The following COMMD10 variants were observed in gnomAD, a reference collection of about 807,000 sequenced individuals.
COMMD10 encodes the protein COMM domain-containing protein 10.
A neutral mutation model predicts 28.9 loss-of-function variants in COMMD10; 33 were observed. The ratio of observed to expected loss-of-function variants is 1.14; its 90% CI spans 0.87 to 1.53. The LOEUF is 1.53. COMMD10 is among the 40% of genes most tolerant of loss of function. The pLI is 0.00. For missense variants in COMMD10, 310 were observed against 233.4 expected, an observed-to-expected ratio of 1.33 and a Z score of -2.14; for synonymous variants, 110 against 81.7, an observed-to-expected ratio of 1.35 and a Z score of -1.87.
At chr5:116,203,836 G>C (rs1048455887) in intron 5 of COMMD10, among the ~76,000 whole-genome samples, 4 of 151,062 alleles carry the variant, frequency 2.6e-5, no homozygotes, top group Non-Finnish European at 4.4e-5. Context: ...CATCAACTAA[G>C]GAGCACAATA....
intron 3 of COMMD10, 111 bp from the exon 4 acceptor site, chr5:116,092,434 T>C: frequency 1.5e-6 from 1 of 682,240 alleles, no homozygotes; most frequent in Non-Finnish European, 2.2e-6. Flanking sequence ...AATAGGACTA[T>C]GAAGTTTTCT....
chr5:116,143,542 C>T (rs1394923040), intron 5 of COMMD10, among the ~76,000 whole-genome samples: 2 of 151,686 alleles, frequency 1.3e-5, no homozygotes, highest in Admixed American at 6.6e-5. Flanking sequence ...GCTTCTGAAT[C>T]GTGTAGTCTC....
At chr5:116,277,066 A>G (rs967394467) in intron 5 of COMMD10, among the ~76,000 whole-genome samples, 3 of 151,898 alleles carry the variant, frequency 2.0e-5, no homozygotes, top group Non-Finnish European at 2.9e-5. Flanking sequence ...ACCAAAAAAT[A>G]TAAGTTAAAT....
intron 5 of COMMD10, among the ~76,000 whole-genome samples, chr5:116,225,349 T>G (rs1037856972): frequency 1.3e-4 from 13 of 99,664 alleles, no homozygotes; most frequent in African/African-American, 3.4e-4. Context: ...TTTGTTTTTT[T>G]GGGGATTTTT....
chr5:116,212,304 G>A (rs1181426959), intron 5 of COMMD10, among the ~76,000 whole-genome samples: 3 of 152,122 alleles, frequency 2.0e-5, no homozygotes, highest in African/African-American at 7.2e-5. Context: ...TATAAAAGTA[G>A]AAGTAGTAAT....
chr5:116,087,023 C>A (rs1482460441), intron 1 of COMMD10, among the ~76,000 whole-genome samples: 1 of 152,142 alleles, frequency 6.6e-6, no homozygotes, highest in Non-Finnish European at 1.5e-5. Flanking sequence ...ACAGTTGAAA[C>A]AGGGTTTTAA....
chr5:116,202,817 T>G (rs1215658039), intron 5 of COMMD10, among the ~76,000 whole-genome samples: 1 of 151,868 alleles, frequency 6.6e-6, no homozygotes, highest in African/African-American at 2.4e-5. Context: ...TTGCGAAAAT[T>G]TTCTCCCATT....
intron 5 of COMMD10, among the ~76,000 whole-genome samples, chr5:116,287,321 A>G (rs1307772626): frequency 2.0e-5 from 3 of 150,250 alleles, no homozygotes; most frequent in South Asian, 2.1e-4. Flanking sequence ...TTTTGTCATT[A>G]TATAATGTCT....
Position 116,184,738 on chromosome 5 carries a change from C to G in COMMD10, c.510+50560C>G, listed in dbSNP as rs565778069. Among the ~76,000 whole-genome samples the G allele has an allele frequency of 1.1e-4, 16 of 152,180 alleles. No homozygotes were observed. In the East Asian group the frequency reaches 3.1e-3, roughly 29 times the overall value. ...TCCATGATAATTCTCTAGGGTTGAA[C>G]TGTTTTTAATGGTATGTATGAGAAA... On this transcript the variant is annotated intron_variant, in intron 5 of 6. Transcript: ENST00000274458.
intron 5 of COMMD10, among the ~76,000 whole-genome samples, chr5:116,282,673 C>G (rs1014912837): frequency 1.3e-5 from 2 of 151,916 alleles, no homozygotes; most frequent in Admixed American, 6.6e-5. Context: ...TAAAGCATCT[C>G]TCCTTGGCTT....
At chr5:116,175,700 A>T (rs1442282259) in intron 5 of COMMD10, among the ~76,000 whole-genome samples, 2 of 152,190 alleles carry the variant, frequency 1.3e-5, no homozygotes, top group East Asian at 3.9e-4. Context: ...CATAAAAAGG[A>T]ATGAAATTCT....
chr5:116,173,843 G>GTTTT (rs1561648115), intron 5 of COMMD10, among the ~76,000 whole-genome samples: 1 of 114,168 alleles, frequency 8.8e-6, no homozygotes, highest in African/African-American at 4.9e-5. Flanking sequence ...GTTTTGTTTT[G>GTTTT]TTTTTGTTTT....
chr5:116,145,289 C>A (rs4920906), intron 5 of COMMD10, among the ~76,000 whole-genome samples: 127,939 of 151,770 alleles, frequency 0.84, 54,262 homozygotes, highest in African/African-American at 0.92. Context: ...GTGATCACGA[C>A]TTTGAGAGGA....
intron 5 of COMMD10, among the ~76,000 whole-genome samples, chr5:116,230,599 C>T (rs1327433004): frequency 1.3e-5 from 2 of 151,840 alleles, no homozygotes; most frequent in Admixed American, 1.3e-4. Flanking sequence ...ACATGGGGTG[C>T]CTCCTGTAGT....
intron 5 of COMMD10, among the ~76,000 whole-genome samples, chr5:116,196,263 G>A (rs1748517430): frequency 6.6e-6 from 1 of 152,074 alleles, no homozygotes; most frequent in Non-Finnish European, 1.5e-5. Flanking sequence ...ACCGACCATT[G>A]TGCGTTCTCA....
intron 5 of COMMD10, among the ~76,000 whole-genome samples, chr5:116,224,024 T>A (rs942699487): frequency 2.6e-5 from 4 of 152,178 alleles, no homozygotes; most frequent in African/African-American, 9.7e-5. Flanking sequence ...TTTGTCTCTT[T>A]TACGTTTTTT....
At chr5:116,205,873 T>G (rs966152834) in intron 5 of COMMD10, among the ~76,000 whole-genome samples, 1 of 152,170 alleles carries the variant, frequency 6.6e-6, no homozygotes, top group Non-Finnish European at 1.5e-5. Flanking sequence ...CTTTCAGATA[T>G]ATATTTGCTT....
intron 5 of COMMD10, among the ~76,000 whole-genome samples, chr5:116,218,451 T>C (rs965913083): frequency 6.6e-6 from 1 of 152,216 alleles, no homozygotes; most frequent in African/African-American, 2.4e-5. Context: ...TTGACTATTG[T>C]GTACATTTAA....
chr5:116,141,691 G>C (rs1418579800), intron 5 of COMMD10, among the ~76,000 whole-genome samples: 1 of 151,732 alleles, frequency 6.6e-6, no homozygotes, highest in Non-Finnish European at 1.5e-5. Flanking sequence ...GCGGGGGGCT[G>C]GGAAGAGGGG....
Sources: gnomAD v4.1 joint callset for allele counts (sites outside exome capture counted in the v4.1 genomes callset) on GRCh38, gnomAD v4.1.1 for gene constraint, MANE v1.5 for transcripts, NCBI Gene and HGNC (gene_info 2026-07-23, HGNC 2026-07-21) for gene names.